CATSPERB: variants seen among roughly 807,000 people sequenced by gnomAD.
The protein encoded by CATSPERB is cation channel sperm-associated auxiliary subunit beta.
CATSPERB carries 93 observed loss-of-function variants against 128.3 expected under a neutral mutation model. The ratio of observed to expected loss-of-function variants is 0.72; its 90% CI spans 0.61 to 0.86. The LOEUF (loss-of-function observed/expected upper bound fraction) is 0.86. Ranked by LOEUF, CATSPERB falls within the 40% of genes least tolerant of loss-of-function variation. The pLI, the probability that CATSPERB is intolerant of heterozygous loss-of-function variation, is 0.00. For synonymous variants in CATSPERB, 381 were observed against 448.8 expected (o/e 0.85, Z 1.91); for missense variants, 1,153 against 1,329.5 (o/e 0.87, Z 2.06).
intron 23 of CATSPERB, 23 bp downstream of exon 23, chr14:91,591,869 C>A (rs947089525): frequency 4.1e-6 from 6 of 1,468,628 alleles, no homozygotes; most frequent in Non-Finnish European, 5.7e-6. Flanking sequence ...ATCCTGTATT[C>A]AGGTAATTAG....
At chr14:91,585,407 T>C (rs1440688589) in intron 26 of CATSPERB, among the ~76,000 whole-genome samples, 1 of 152,220 alleles carries the variant, frequency 6.6e-6, no homozygotes, top group Non-Finnish European at 1.5e-5. Flanking sequence ...CTTAAAATAC[T>C]TTTTCTTCAG....
intron 6 of CATSPERB, among the ~76,000 whole-genome samples, chr14:91,705,653 C>T (rs1338599071): frequency 1.1e-4 from 17 of 152,118 alleles, no homozygotes; most frequent in Non-Finnish European, 2.1e-4. Flanking sequence ...TTCTCACAAC[C>T]CTATTTTTCA....
intron 7 of CATSPERB, among the ~76,000 whole-genome samples, chr14:91,694,383 G>A (rs1376372724): frequency 7.3e-6 from 1 of 136,748 alleles, no homozygotes; most frequent in Non-Finnish European, 1.5e-5. Context: ...GGTCAAGGCT[G>A]TAGTGAACTA....
At chr14:91,645,829 A>G (rs1318393457) in intron 15 of CATSPERB, among the ~76,000 whole-genome samples, 1 of 150,048 alleles carries the variant, frequency 6.7e-6, no homozygotes, top group Non-Finnish European at 1.5e-5. Flanking sequence ...TTGCAGTTTG[A>G]TCTCAGACTG....
chr14:91,681,166 A>G (rs1238748912), intron 11 of CATSPERB, among the ~76,000 whole-genome samples: 3 of 152,342 alleles, frequency 2.0e-5, no homozygotes, highest in Non-Finnish European at 4.4e-5. Flanking sequence ...CGTTTAGCCA[A>G]CGTTTCATCA....
chr14:91,598,002 A>T (rs4900082), intron 22 of CATSPERB, among the ~76,000 whole-genome samples: 20,031 of 150,810 alleles, frequency 0.13, 1,512 homozygotes, highest in Middle Eastern at 0.22. Flanking sequence ...TTTTTTTTTT[A>T]AATATATAAA....
At chr14:91,629,449 T>C (rs1894231232) in intron 17 of CATSPERB, among the ~76,000 whole-genome samples, 1 of 152,178 alleles carries the variant, frequency 6.6e-6, no homozygotes, top group Non-Finnish European at 1.5e-5. Flanking sequence ...GATGAATACT[T>C]ATCATTATAC....
At chr14:91,586,691 A>AT (rs1374554070) in intron 26 of CATSPERB, among the ~76,000 whole-genome samples, 1 of 152,190 alleles carries the variant, frequency 6.6e-6, no homozygotes, top group Non-Finnish European at 1.5e-5. Context: ...AGCACATGTC[A>AT]TTATATGAAT....
At chr14:91,650,685 T>C (rs1894689585) in intron 15 of CATSPERB, among the ~76,000 whole-genome samples, 1 of 60,182 alleles carries the variant, frequency 1.7e-5, no homozygotes, top group Non-Finnish European at 3.1e-5. Flanking sequence ...CTGTTTTTTG[T>C]ATTTATCCAT....
intron 22 of CATSPERB, 48 bp downstream of exon 22, chr14:91,608,246 T>A (rs1476014861): frequency 8.7e-7 from 1 of 1,152,518 alleles, no homozygotes; most frequent in Admixed American, 1.8e-5. Flanking sequence ...ACTGAATGAT[T>A]TCCTGAATTC....
intron 15 of CATSPERB, among the ~76,000 whole-genome samples, chr14:91,648,063 A>G (rs1165207299): frequency 6.6e-6 from 1 of 152,068 alleles, no homozygotes; most frequent in Non-Finnish European, 1.5e-5. Context: ...ACTTCCTCCT[A>G]TTTCACAGCC....
chr14:91,722,147 A>G (rs1018909927), intron 4 of CATSPERB, among the ~76,000 whole-genome samples: 4 of 152,218 alleles, frequency 2.6e-5, no homozygotes, highest in African/African-American at 7.2e-5. Context: ...CAAAAGGTCA[A>G]ACATGGAGTT....
intron 21 of CATSPERB, among the ~76,000 whole-genome samples, chr14:91,610,144 C>G (rs986936471): frequency 3.3e-5 from 5 of 152,062 alleles, no homozygotes; most frequent in African/African-American, 1.2e-4. Context: ...CTATGCAGTT[C>G]AAACCTATTG....
intron 7 of CATSPERB, among the ~76,000 whole-genome samples, chr14:91,697,348 G>GAAAAAAAGTGATAGTGA (rs113098072): frequency 6.6e-6 from 1 of 152,088 alleles, no homozygotes; most frequent in African/African-American, 2.4e-5. Flanking sequence ...GTTGGGTAGT[G>GAAAAAAAGTGATAGTGA]AAAAAAGTGA....
At chr14:91,713,965 T>A (rs1226979956) in intron 5 of CATSPERB, among the ~76,000 whole-genome samples, 3 of 152,192 alleles carry the variant, frequency 2.0e-5, no homozygotes, top group Non-Finnish European at 2.9e-5. Context: ...TGACCAAGTG[T>A]TGTTTGTCCT....
intron 22 of CATSPERB, chr14:91,605,111 G>T: frequency 1.6e-6 from 2 of 1,261,210 alleles, no homozygotes; most frequent in Non-Finnish European, 2.3e-6. Context: ...TTTGGGAGGG[G>T]TGGAAGAATC....
At chr14:91,617,906 T>A (rs1247772964) in intron 19 of CATSPERB, among the ~76,000 whole-genome samples, 170 bp from the exon 20 acceptor site, 1 of 152,252 alleles carries the variant, frequency 6.6e-6, no homozygotes, top group Non-Finnish European at 1.5e-5. Flanking sequence ...ATAGTTCTGT[T>A]ACAGGAAATG....
At chr14:91,649,996 A>G (rs569885030) in intron 15 of CATSPERB, among the ~76,000 whole-genome samples, 1 of 152,236 alleles carries the variant, frequency 6.6e-6, no homozygotes, top group Admixed American at 6.5e-5. Flanking sequence ...AAGGTTCAAT[A>G]TGCCATATTT....
intron 22 of CATSPERB, among the ~76,000 whole-genome samples, chr14:91,592,991 G>A (rs545636278): frequency 1.3e-5 from 2 of 152,208 alleles, no homozygotes; most frequent in Non-Finnish European, 2.9e-5. Context: ...GGCTGAAAGG[G>A]GCCAACGCAC....
Sources: allele counts gnomAD v4.1 joint callset (sites outside exome capture counted in the v4.1 genomes callset), GRCh38; gene constraint gnomAD v4.1.1; transcripts MANE v1.5; gene names NCBI Gene and HGNC (gene_info 2026-07-23, HGNC 2026-07-21).